The following SPAG16 variants were observed in gnomAD, a reference collection of about 807,000 sequenced individuals.
SPAG16 encodes sperm associated antigen 16, also known as sperm-associated antigen 16 protein.
SPAG16 carries 86 observed loss-of-function variants against 80.4 expected under a neutral mutation model. That is an observed-to-expected ratio of 1.07 (90% CI 0.90 to 1.28). SPAG16 has a LOEUF of 1.28. Among genes scored for constraint, SPAG16 ranks in the 50% most tolerant of loss-of-function variants. The probability of loss-of-function intolerance (pLI) is 0.00; values close to 1 mark genes in which losing one functional copy is unlikely to be tolerated. For missense variants in SPAG16, 870 were observed against 765.3 expected (o/e 1.14, Z -1.61); for synonymous variants, 294 against 265.9 (o/e 1.11, Z -1.03).
chr2:213,803,744 T>C (rs982900425), intron 10 of SPAG16, among the ~76,000 whole-genome samples: 1 of 152,190 alleles, frequency 6.6e-6, no homozygotes, highest in African/African-American at 2.4e-5. Flanking sequence ...GTATTATGTA[T>C]GTATATATTT....
chr2:213,474,274 C>A (rs1289201106), intron 9 of SPAG16, among the ~76,000 whole-genome samples: 1 of 152,164 alleles, frequency 6.6e-6, no homozygotes, highest in African/African-American at 2.4e-5. Context: ...TGTAGGTTAG[C>A]CACTCACATG....
At chr2:214,338,086 A>T (rs908857218) in intron 15 of SPAG16, among the ~76,000 whole-genome samples, 2 of 152,234 alleles carry the variant, frequency 1.3e-5, no homozygotes, top group African/African-American at 4.8e-5. Context: ...ACCCAAAGTT[A>T]GCTAATTCTA....
At chr2:213,577,235 A>G (rs961753341) in intron 10 of SPAG16, among the ~76,000 whole-genome samples, 1 of 152,212 alleles carries the variant, frequency 6.6e-6, no homozygotes, top group Non-Finnish European at 1.5e-5. Flanking sequence ...CTGTGGCAAC[A>G]TAATCCTAGA....
At chr2:213,817,692 A>T (rs746835232) in intron 10 of SPAG16, among the ~76,000 whole-genome samples, 1 of 152,144 alleles carries the variant, frequency 6.6e-6, no homozygotes, top group Non-Finnish European at 1.5e-5. Flanking sequence ...ACTGGAGGCC[A>T]TTATTCCAAG....
At chr2:214,007,313 T>C (rs1024637852) in intron 12 of SPAG16, among the ~76,000 whole-genome samples, 2 of 152,022 alleles carry the variant, frequency 1.3e-5, no homozygotes, top group Non-Finnish European at 2.9e-5. Context: ...CAAAACAATA[T>C]GGCCAGGGAT....
chr2:213,827,585 G>A (rs1352441254), intron 10 of SPAG16, among the ~76,000 whole-genome samples: 1 of 152,074 alleles, frequency 6.6e-6, no homozygotes, highest in Middle Eastern at 3.2e-3. Flanking sequence ...ATAATATTCT[G>A]TGTTTTCCTG....
intron 15 of SPAG16, among the ~76,000 whole-genome samples, chr2:214,177,900 C>CATATATATATATACAT (rs1553519901): frequency 1.6e-5 from 1 of 64,006 alleles, no homozygotes; most frequent in African/African-American, 1.0e-4. Context: ...TATATATATA[C>CATATATATATATACAT]ATATATATAT....
intron 11 of SPAG16, among the ~76,000 whole-genome samples, chr2:213,901,753 C>G (rs1255767340): frequency 6.6e-6 from 1 of 151,950 alleles, no homozygotes; most frequent in African/African-American, 2.4e-5. Context: ...GATACATACC[C>G]AAGCAGCAGA....
Position 214,151,075 on chromosome 2 carries a change from GACC to G in SPAG16, c.1720+1810_1720+1812del, listed in dbSNP as rs1488066776. Among the ~76,000 whole-genome samples, 4 of 152,018 alleles carry G rather than the reference GACC, an allele frequency of 2.6e-5. No homozygotes were observed. In the East Asian group the frequency reaches 7.7e-4, roughly 29 times the overall value. Reference sequence around the variant, plus strand: ...GTCTGAAGGAATATGATTTCAACCTGACCTTCCCATCCCTTTGACCATTTCTTT... The same window carrying G: ...GTCTGAAGGAATATGATTTCAACCTGTTCCCATCCCTTTGACCATTTCTTT... On this transcript the variant is annotated intron_variant, in intron 15 of 15. Coordinates refer to ENST00000331683, the MANE Select transcript of SPAG16 (RefSeq NM_024532.5).
intron 10 of SPAG16, among the ~76,000 whole-genome samples, chr2:213,496,981 GA>G (rs1385223732): frequency 6.6e-6 from 1 of 151,602 alleles, no homozygotes; most frequent in Non-Finnish European, 1.5e-5. Flanking sequence ...ATTTCTAAGA[GA>G]AAGAACTTAT....
chr2:213,996,683 C>A lies in SPAG16; in HGVS notation c.1401-17268C>A, dbSNP rs2124836670. Among the ~76,000 whole-genome samples the A allele has an allele frequency of 2.0e-5, 3 of 151,828 alleles. No homozygotes were observed. In the East Asian group the frequency reaches 5.8e-4, roughly 29 times the overall value. ...TCTCAGGTTCAAGCGATTCTCCTGCCTCAGCCTCCCAAGTAGCTGAGATTA... is the reference window on the plus strand; with the variant it reads ...TCTCAGGTTCAAGCGATTCTCCTGCATCAGCCTCCCAAGTAGCTGAGATTA... On this transcript the variant is annotated intron_variant, in intron 12 of 15. Coordinates refer to ENST00000331683, the MANE Select transcript of SPAG16 (RefSeq NM_024532.5).
At chr2:213,514,156 G>C (rs2075336181) in intron 10 of SPAG16, among the ~76,000 whole-genome samples, 1 of 152,130 alleles carries the variant, frequency 6.6e-6, no homozygotes, top group East Asian at 1.9e-4. Context: ...TTAGAAATTA[G>C]ATGGTCCTTG....
chr2:214,227,425 C>T (rs966648802), intron 15 of SPAG16, among the ~76,000 whole-genome samples: 2 of 151,932 alleles, frequency 1.3e-5, no homozygotes, highest in African/African-American at 4.8e-5. Context: ...TTTGTTATTA[C>T]CAAAAACTAC....
intron 13 of SPAG16, among the ~76,000 whole-genome samples, chr2:214,022,621 A>G (rs922723075): frequency 1.3e-5 from 2 of 151,998 alleles, no homozygotes; most frequent in Non-Finnish European, 2.9e-5. Context: ...TTTCTTCTCT[A>G]TTTTCACAAT....
chr2:214,393,677 A>G (rs768412148), intron 15 of SPAG16, among the ~76,000 whole-genome samples: 5 of 152,116 alleles, frequency 3.3e-5, no homozygotes, highest in Non-Finnish European at 2.9e-5. Flanking sequence ...GATTGGAACA[A>G]AGGATATTTT....
chr2:213,965,809 G>A (rs116258225), intron 12 of SPAG16, among the ~76,000 whole-genome samples: 1,656 of 152,218 alleles, frequency 0.011, 32 homozygotes, highest in African/African-American at 0.038. Context: ...CTCTGTCCCT[G>A]GGCAGAATGT....
At chr2:213,932,457 A>G (rs1364802719) in intron 12 of SPAG16, among the ~76,000 whole-genome samples, 2 of 151,638 alleles carry the variant, frequency 1.3e-5, no homozygotes, top group South Asian at 4.2e-4. Flanking sequence ...TGTTTGAGAA[A>G]CTCCCAAAGT....
At chr2:213,992,646 A>G (rs897618534) in intron 12 of SPAG16, among the ~76,000 whole-genome samples, 3 of 152,184 alleles carry the variant, frequency 2.0e-5, no homozygotes, top group African/African-American at 7.2e-5. Flanking sequence ...GAAATTAAGC[A>G]GACTAGTACC....
intron 15 of SPAG16, among the ~76,000 whole-genome samples, chr2:214,375,826 A>G (rs1574443326): frequency 6.6e-6 from 1 of 152,282 alleles, no homozygotes. Context: ...AACTAAGCAC[A>G]GTGGTTACCT....
Sources: allele counts gnomAD v4.1 joint callset (sites outside exome capture counted in the v4.1 genomes callset), GRCh38; gene constraint gnomAD v4.1.1; transcripts MANE v1.5; gene names NCBI Gene and HGNC (gene_info 2026-07-23, HGNC 2026-07-21).